ANK3: variants seen among roughly 807,000 people sequenced by gnomAD.
The protein encoded by ANK3 is ankyrin 3.
A neutral mutation model predicts 370.9 loss-of-function variants in ANK3; 57 were observed. The observed-to-expected ratio is 0.15, with a 90% CI of 0.12 to 0.19. ANK3 has a LOEUF of 0.19. Ranked by LOEUF, ANK3 falls within the 10% of genes least tolerant of loss-of-function variation. The pLI is 1.00. For synonymous variants in ANK3, 1,929 were observed against 1,946.3 expected, an observed-to-expected ratio of 0.99 and a Z score of 0.23; for missense variants, 4,439 against 5,302.1, an observed-to-expected ratio of 0.84 and a Z score of 5.06.
intron 1 of ANK3, among the ~76,000 whole-genome samples, chr10:60,283,360 A>G (rs537325822): frequency 6.6e-6 from 1 of 152,244 alleles, no homozygotes; most frequent in Middle Eastern, 3.4e-3. Context: ...ATAACCTTGT[A>G]TCAAAATAAT....
chr10:60,714,921 C>T (rs2132018316), intron 1 of ANK3, among the ~76,000 whole-genome samples: 1 of 152,258 alleles, frequency 6.6e-6, no homozygotes, highest in East Asian at 1.9e-4. Flanking sequence ...AAGCATCATA[C>T]ATTTGTCAAA....
At chr10:60,185,304 C>T (rs569519581) in intron 17 of ANK3, among the ~76,000 whole-genome samples, 12 of 152,166 alleles carry the variant, frequency 7.9e-5, no homozygotes, top group Non-Finnish European at 1.3e-4. Context: ...TATGGAGTAA[C>T]CTTTTTCCAA....
At chr10:60,395,620 C>CTTTCTTTCTTTCTTTCTT (rs57944792) in intron 2 of ANK3, among the ~76,000 whole-genome samples, 4 of 32,662 alleles carry the variant, frequency 1.2e-4, no homozygotes, top group South Asian at 9.2e-4. Flanking sequence ...CTCTTTCGTT[C>CTTTCTTTCTTTCTTTCTT]TCTCTCTCTC....
chr10:60,697,332 G>A (rs1351636466), intron 1 of ANK3, among the ~76,000 whole-genome samples: 4 of 151,984 alleles, frequency 2.6e-5, no homozygotes, highest in South Asian at 2.1e-4. Context: ...TACTGCCCAA[G>A]GTAATTTACA....
intron 28 of ANK3, 80 bp downstream of exon 28, chr10:60,105,825 G>T: frequency 2.1e-6 from 3 of 1,404,818 alleles, no homozygotes; most frequent in South Asian, 3.1e-5. Context: ...GTGAAATTCA[G>T]GTCCTGTTTC....
At chr10:60,555,595 C>T (rs1314647635) in intron 2 of ANK3, among the ~76,000 whole-genome samples, 1 of 151,968 alleles carries the variant, frequency 6.6e-6, no homozygotes, top group Non-Finnish European at 1.5e-5. Context: ...AATCTGAAGA[C>T]CATAAAAGAA....
intron 1 of ANK3, among the ~76,000 whole-genome samples, chr10:60,288,008 T>A (rs2040422015): frequency 6.6e-6 from 1 of 152,132 alleles, no homozygotes; most frequent in African/African-American, 2.4e-5. Context: ...TTAAAACCTG[T>A]CCCAAACACA....
intron 25 of ANK3, among the ~76,000 whole-genome samples, chr10:60,122,876 A>G (rs566986426): frequency 1.3e-5 from 2 of 152,340 alleles, no homozygotes; most frequent in Middle Eastern, 6.8e-3. Context: ...TATCAAACCA[A>G]TGGAGGCCAT....
intron 1 of ANK3, among the ~76,000 whole-genome samples, chr10:60,366,830 G>A (rs983225726): frequency 3.3e-5 from 5 of 152,032 alleles, no homozygotes; most frequent in Admixed American, 3.3e-4. Flanking sequence ...AATATGTACC[G>A]CTTAAGACTT....
At chr10:60,234,590 G>A in intron 8 of ANK3, 98 bp downstream of exon 8, 1 of 691,416 alleles carries the variant, frequency 1.4e-6, no homozygotes, top group Non-Finnish European at 2.6e-6. Context: ...AAATAGAACA[G>A]AAAACAAAGC....
At chr10:60,344,789 T>C (rs920388682) in intron 1 of ANK3, among the ~76,000 whole-genome samples, 7 of 152,208 alleles carry the variant, frequency 4.6e-5, no homozygotes, top group Non-Finnish European at 7.3e-5. Flanking sequence ...GTAGCCACAA[T>C]AGAATCCACA....
chr10:60,030,472 G>A (rs1202759491), intron 43 of ANK3, among the ~76,000 whole-genome samples: 1 of 152,140 alleles, frequency 6.6e-6, no homozygotes, highest in Non-Finnish European at 1.5e-5. Context: ...GTTGTGAGTT[G>A]TTTTTGAGTT....
chr10:60,641,013 G>A (rs1287331750), intron 1 of ANK3, among the ~76,000 whole-genome samples: 1 of 148,554 alleles, frequency 6.7e-6, no homozygotes, highest in Admixed American at 6.8e-5. Context: ...CAAATCAGGA[G>A]TGAACTCCCA....
intron 28 of ANK3, among the ~76,000 whole-genome samples, chr10:60,090,274 C>T (rs1035370279): frequency 2.0e-5 from 3 of 151,866 alleles, no homozygotes; most frequent in East Asian, 1.9e-4. Flanking sequence ...GCCGAGATCA[C>T]GCCACTCACT....
At chr10:60,363,662 A>G (rs1421557942) in intron 1 of ANK3, among the ~76,000 whole-genome samples, 1 of 152,226 alleles carries the variant, frequency 6.6e-6, no homozygotes, top group Non-Finnish European at 1.5e-5. Flanking sequence ...TTATAAGGGC[A>G]CAGCCCAATA....
chr10:60,526,684 G>T (rs550137472), intron 2 of ANK3, among the ~76,000 whole-genome samples: 2 of 152,202 alleles, frequency 1.3e-5, no homozygotes, highest in African/African-American at 4.8e-5. Context: ...CAGATTTCCA[G>T]AAAATTATGT....
At position 60,141,561 on chromosome 10, in the gene ANK3, G is replaced by GTTTTTTTT. The variant is rs36033791; in HGVS notation, c.2615-2482_2615-2475dup. On this transcript the variant is annotated intron_variant, in intron 23 of 43. Coordinates refer to ENST00000280772, the MANE Select transcript of ANK3 (RefSeq NM_020987.5). ...CACTGGAGAGGCCATTTCAATTGCT[G>GTTTTTTTT]TTTTTTTTTTTTTTTTTTTTTTTTT... is the stretch of plus-strand genomic sequence containing the variant. Among the ~76,000 whole-genome samples, 83 of 49,006 alleles carry GTTTTTTTT rather than the reference G, an allele frequency of 1.7e-3. 7 individuals carry two copies. Among genetic ancestry groups the GTTTTTTTT allele is most frequent in the African/African-American group, 7.1e-3 (76 of 10,736 alleles). The allele number at this position is 49,006 out of a possible 152,430, so 32.1% of individuals were successfully genotyped here. A position where few individuals can be genotyped will look rare whatever the true frequency, so the allele number is the denominator to read the frequency against.
At chr10:60,460,246 C>T (rs181308847) in intron 2 of ANK3, among the ~76,000 whole-genome samples, 2 of 152,230 alleles carry the variant, frequency 1.3e-5, no homozygotes, top group Non-Finnish European at 2.9e-5. Flanking sequence ...GGAGCAAACC[C>T]TTTGGGAAAT....
rs184695907 is a variant in ANK3 at position 60,377,997 on chromosome 10, T to C, written c.114+11428A>G. Among the ~76,000 whole-genome samples, 519 of 152,308 alleles carry C rather than the reference T, an allele frequency of 3.4e-3. 2 individuals are homozygous for C. The highest frequency in any genetic ancestry group is 5.6e-3 in the Admixed American group (85 of 15,294). ...GGTTTGCTAGCAAAGTCTAAAAGCA[T>C]CTGTTTTTGTCTAATCAATTTTTTG... On this transcript the variant is annotated intron_variant, in intron 1 of 43. Transcript: ENST00000280772.
Sources: gnomAD v4.1 joint callset for allele counts (sites outside exome capture counted in the v4.1 genomes callset) on GRCh38, gnomAD v4.1.1 for gene constraint, MANE v1.5 for transcripts, NCBI Gene and HGNC (gene_info 2026-07-23, HGNC 2026-07-21) for gene names.